The following PTCD3 variants were observed in gnomAD, a reference collection of about 807,000 sequenced individuals.
The protein encoded by PTCD3 is small ribosomal subunit protein mS39.
In PTCD3, 89 loss-of-function variants were observed where a neutral mutation model predicts 101.9. That is an observed-to-expected ratio of 0.87 (90% confidence interval 0.74 to 1.04). The LOEUF (loss-of-function observed/expected upper bound fraction) is 1.04, where lower values mean the gene tolerates loss of function less well. Among genes scored for constraint, PTCD3 ranks in the 50% least tolerant of loss-of-function variants. The pLI is 0.00. For synonymous variants in PTCD3, 296 were observed against 278.5 expected, an observed-to-expected ratio of 1.06 and a Z score of -0.63; for missense variants, 870 against 828.2, an observed-to-expected ratio of 1.05 and a Z score of -0.62.
At chr2:86,125,562 T>C in intron 11 of PTCD3, 47 bp downstream of exon 11, 1 of 1,535,812 alleles carries the variant, frequency 6.5e-7, no homozygotes, top group Non-Finnish European at 9.0e-7. Flanking sequence ...TTCCTTCTTT[T>C]AATTGTCTGT....
Position 86,134,907 on chromosome 2 carries a change from G to T in PTCD3, c.1698G>T (p.Gln566His), listed in dbSNP as rs1010581064. The change falls in exon 21 of 24, where the codon CAG (glutamine) becomes CAT (histidine). Residue 566 changes from glutamine to histidine, a missense_variant. Transcript: ENST00000254630. The part of the protein sequence containing the change: ...KSAYESQPIR[Q>H]TAQDWPATSL... The stretch of plus-strand genomic sequence containing the variant: ...CGTATGAAAGCCAACCCATCAGACA[G>T]ACTGCTCAGGATTGGCCAGCCACCT... 2 of 1,614,146 alleles carry T rather than the reference G, an allele frequency of 1.2e-6. No individual in the cohort carries two copies. Among genetic ancestry groups the T allele is most frequent in the Non-Finnish European group, 1.7e-6 (2 of 1,180,014 alleles).
chr2:86,130,566 A>G, intron 14 of PTCD3, 82 bp from the exon 15 acceptor site: 1 of 1,526,672 alleles, frequency 6.6e-7, no homozygotes, highest in Non-Finnish European at 8.8e-7. Context: ...GGAAGGAGAA[A>G]TGTGTCCCTT....
At chr2:86,134,498 G>C (rs982677633) in intron 20 of PTCD3, 121 bp downstream of exon 20, 9 of 782,928 alleles carry the variant, frequency 1.1e-5, no homozygotes, top group Non-Finnish European at 1.7e-5. Context: ...TTTGAGTGAT[G>C]ATACATCTAA....
chr2:86,132,693 A>G, intron 17 of PTCD3: 1 of 343,518 alleles, frequency 2.9e-6, no homozygotes, highest in Non-Finnish European at 5.2e-6. Context: ...CTCATTTTAC[A>G]TTTTCAAATT....
intron 17 of PTCD3, chr2:86,132,724 G>A (rs1674515592): frequency 6.4e-6 from 2 of 311,100 alleles, no homozygotes; most frequent in Non-Finnish European, 1.2e-5. Context: ...GGTGAGCCCT[G>A]AAGATTTCCT....
chr2:86,109,609 A>T (rs1318774284), intron 3 of PTCD3, among the ~76,000 whole-genome samples: 1 of 152,210 alleles, frequency 6.6e-6, no homozygotes, highest in Non-Finnish European at 1.5e-5. Flanking sequence ...ATGGGACAGT[A>T]AATTGGAACA....
At chr2:86,118,358 T>A (rs564340536) in intron 6 of PTCD3, among the ~76,000 whole-genome samples, 89 of 152,306 alleles carry the variant, frequency 5.8e-4, no homozygotes, top group Non-Finnish European at 9.6e-4. Context: ...CTGAGTTTGT[T>A]GGTGGAAGTA....
At chr2:86,111,272 G>GT in intron 4 of PTCD3, 114 bp downstream of exon 4, 1 of 1,003,372 alleles carries the variant, frequency 1.0e-6, no homozygotes, top group Non-Finnish European at 1.5e-6. Flanking sequence ...GAATTAAACT[G>GT]TTGTGCGTCT....
In PTCD3 at chr2:86,108,374, C is replaced by G; in HGVS notation, c.129C>G (p.Leu43=). The change falls in exon 2 of 24, where the codon CTC becomes CTG. Residue 43 remains leucine, a synonymous_variant. Coordinates refer to ENST00000254630, the MANE Select transcript of PTCD3 (RefSeq NM_017952.6). The part of the protein sequence containing the change: ...SCRFYSGSAT[L]SKVEGTDVTG... ...GATTTTATTCTGGTAGTGCAACCCT[C>G]TCAAAGGTTGAAGGAACTGATGTAA... 3 of 1,609,078 alleles carry G rather than the reference C, an allele frequency of 1.9e-6. No individual in the cohort carries two copies. Among genetic ancestry groups the G allele is most frequent in the Non-Finnish European group, 2.5e-6 (3 of 1,178,290 alleles).
At chr2:86,132,825 T>C (rs1024904475) in intron 17 of PTCD3, 1 of 323,446 alleles carries the variant, frequency 3.1e-6, no homozygotes, top group African/African-American at 2.1e-5. Context: ...GATAAGAACA[T>C]GAATTTAAGA....
intron 14 of PTCD3, among the ~76,000 whole-genome samples, chr2:86,129,312 G>GTTGTTTGTT (rs1220033908): frequency 4.6e-5 from 7 of 152,196 alleles, no homozygotes; most frequent in African/African-American, 1.7e-4. Flanking sequence ...ACTGGGGGAT[G>GTTGTTTGTT]GGGGTTCTGG....
At chr2:86,126,678 A>G (rs1444550291) in intron 12 of PTCD3, among the ~76,000 whole-genome samples, 1 of 152,000 alleles carries the variant, frequency 6.6e-6, no homozygotes. Flanking sequence ...CTACTACAAA[A>G]ATACAAAAAT....
chr2:86,137,081 TA>T lies in PTCD3; in HGVS notation c.1921del (p.Ile641PhefsTer9). The T allele has an allele frequency of 6.2e-7, 1 of 1,612,352 alleles. No individual in the cohort carries two copies. The highest frequency in any genetic ancestry group is 8.5e-7 in the Non-Finnish European group (1 of 1,179,468). On this transcript the variant is annotated frameshift_variant, in exon 23 of 24. Transcript: ENST00000254630. LOFTEE classifies it high-confidence loss of function. ...VELASAFSLPICEGLTQRVMS... is the reference protein window; with the variant it reads ...VELASAFSLPXCEGLTQRVMS... ...AGCTGGCAAGTGCCTTCAGCTTACC[TA>T]TTTGTGAGGGCCTCACCCAGAGAGT...
rs1391817702 is a variant in PTCD3, at chr2:86,134,366, C to G, written c.1618C>G (p.His540Asp). ...CCTGATGCTCATGGCAAGGGACAAG[C>G]ACCCACCAGAGGTAGGCCTGAAACT... ...EILMLMARDK[H>D]PPELQVAFAD... is the part of the protein sequence containing the mutation. Residue 540 changes from histidine to aspartate, a missense_variant, in exon 20 of 24, where the codon CAC becomes GAC. Physicochemically the swap from His to Asp is moderately conservative, Grantham distance 81. Transcript: ENST00000254630. 1.4e-5 allele frequency: 23 copies of G among 1,611,850 alleles called. No individual in the cohort carries two copies. Among genetic ancestry groups the G allele is most frequent in the Non-Finnish European group, 2.0e-5 (23 of 1,178,086 alleles).
At chr2:86,130,546 TGGA>T (rs1287211422) in intron 14 of PTCD3, 99 bp from the exon 15 acceptor site, 1 of 1,507,388 alleles carries the variant, frequency 6.6e-7, no homozygotes, top group Non-Finnish European at 8.9e-7. Context: ...GGACTTAGGC[TGGA>T]GGTGGAGGAA....
intron 19 of PTCD3, 65 bp downstream of exon 19, chr2:86,133,501 T>C (rs1558800298): frequency 7.1e-7 from 1 of 1,406,332 alleles, no homozygotes; most frequent in Non-Finnish European, 1.0e-6. Flanking sequence ...TGATAATGAA[T>C]GTGCTAACAT....
At position 86,127,176 on chromosome 2, in the gene PTCD3, A is replaced by G; in HGVS notation, c.967A>G (p.Met323Val). ...ATTCACCTAGGAGCTGCTAAGACAC[A>G]TGGTTGCACAGAAGGTGAAACCAAA... ...WSKILELLRH[M>V]VAQKVKPNLQ... Residue 323 changes from methionine (M) to valine (V), a missense_variant, in exon 13 of 24, where the codon ATG (methionine) becomes GTG (valine). Physicochemically the swap from Met to Val is conservative, Grantham distance 21 (BLOSUM62 1). Transcript: ENST00000254630. 2 of 1,612,808 alleles carry G rather than the reference A, an allele frequency of 1.2e-6. No homozygotes were observed. Among genetic ancestry groups the G allele is most frequent in the Non-Finnish European group, 1.7e-6 (2 of 1,179,446 alleles).
intron 3 of PTCD3, among the ~76,000 whole-genome samples, chr2:86,110,431 T>C (rs1187880669): frequency 6.6e-6 from 1 of 152,268 alleles, no homozygotes; most frequent in Non-Finnish European, 1.5e-5. Flanking sequence ...AATTCCCTTT[T>C]GGAAAGGAAA....
chr2:86,125,958 G>GA, intron 12 of PTCD3, 78 bp downstream of exon 12: 1 of 1,071,512 alleles, frequency 9.3e-7, no homozygotes, highest in Non-Finnish European at 1.4e-6. Context: ...GGCCAGGTGT[G>GA]GTGGCTCAAA....
Sources: gnomAD v4.1 joint callset for allele counts (sites outside exome capture counted in the v4.1 genomes callset) on GRCh38, gnomAD v4.1.1 for gene constraint, MANE v1.5 for transcripts, NCBI Gene and HGNC (gene_info 2026-07-23, HGNC 2026-07-21) for gene names.